KIRREL1: variants seen among roughly 807,000 people sequenced by gnomAD.
KIRREL1 encodes kin of IRRE-like protein 1.
KIRREL1 carries 25 observed loss-of-function variants against 83.3 expected under a neutral mutation model. The ratio of observed to expected loss-of-function variants is 0.30; its 90% CI spans 0.22 to 0.42. KIRREL1 has a LOEUF of 0.42. Ranked by LOEUF, KIRREL1 falls within the 10% of genes least tolerant of loss-of-function variation. The pLI is 1.00. For synonymous variants in KIRREL1, 388 were observed against 410.4 expected (o/e 0.95, Z 0.66); for missense variants, 812 against 1,032.3 (o/e 0.79, Z 2.92).
chr1:158,059,641 A>G (rs538986590), intron 1 of KIRREL1, among the ~76,000 whole-genome samples: 3 of 151,924 alleles, frequency 2.0e-5, no homozygotes, highest in Non-Finnish European at 4.4e-5. Context: ...GGTAGGGAAT[A>G]CTCACCTGGG....
At chr1:158,007,122 G>A (rs1241675539) in intron 1 of KIRREL1, among the ~76,000 whole-genome samples, 1 of 152,184 alleles carries the variant, frequency 6.6e-6, no homozygotes, top group Non-Finnish European at 1.5e-5. Context: ...CTTGAGGCAG[G>A]AGACTTGGTT....
chr1:158,079,522 T>C (rs1377176811), intron 3 of KIRREL1, among the ~76,000 whole-genome samples: 2 of 152,252 alleles, frequency 1.3e-5, no homozygotes, highest in Non-Finnish European at 2.9e-5. Flanking sequence ...TGTTTCACCA[T>C]GTTGGCCAGG....
chr1:158,092,345 CTTTTTTTTTTT>C (rs11430850), intron 11 of KIRREL1, among the ~76,000 whole-genome samples: 1 of 110,936 alleles, frequency 9.0e-6, no homozygotes, highest in Non-Finnish European at 1.7e-5. Context: ...TCACTTCAGT[CTTTTTTTTTTT>C]TTTTTTTTTG....
intron 1 of KIRREL1, among the ~76,000 whole-genome samples, chr1:158,003,536 C>G (rs567675144): frequency 3.9e-5 from 6 of 152,220 alleles, no homozygotes; most frequent in African/African-American, 1.4e-4. Flanking sequence ...TGGGGGACTC[C>G]CAGAGGTCCC....
chr1:158,075,379 G>A (rs1382346039), intron 1 of KIRREL1, among the ~76,000 whole-genome samples: 1 of 152,246 alleles, frequency 6.6e-6, no homozygotes, highest in African/African-American at 2.4e-5. Flanking sequence ...AGGAGGCGGG[G>A]TGTGTGCAGG....
At chr1:158,006,816 A>G (rs1029050997) in intron 1 of KIRREL1, among the ~76,000 whole-genome samples, 2 of 152,230 alleles carry the variant, frequency 1.3e-5, no homozygotes, top group South Asian at 2.1e-4. Flanking sequence ...CTGCTGCTGA[A>G]GCCAGCATGT....
intron 1 of KIRREL1, among the ~76,000 whole-genome samples, chr1:157,996,457 G>C (rs930087920): frequency 1.3e-5 from 2 of 152,084 alleles, no homozygotes; most frequent in African/African-American, 2.4e-5. Context: ...TGCCTCCGTG[G>C]GGGGGATGGA....
At chr1:158,054,102 A>G (rs1293564668) in intron 1 of KIRREL1, among the ~76,000 whole-genome samples, 1 of 149,416 alleles carries the variant, frequency 6.7e-6, no homozygotes, top group African/African-American at 2.5e-5. Flanking sequence ...AATCCTAGCT[A>G]CTCAGGAGGC....
intron 1 of KIRREL1, among the ~76,000 whole-genome samples, chr1:158,074,007 A>C (rs1220168559): frequency 1.3e-5 from 2 of 152,184 alleles, no homozygotes; most frequent in African/African-American, 2.4e-5. Flanking sequence ...GAGAAACGTG[A>C]GTGTGGAGAG....
At chr1:158,087,412 C>T (rs1037776685) in intron 5 of KIRREL1, among the ~76,000 whole-genome samples, 1 of 151,982 alleles carries the variant, frequency 6.6e-6, no homozygotes, top group African/African-American at 2.4e-5. Context: ...TTGTCTCTCC[C>T]CAGGGAACCA....
chr1:158,030,165 G>C (rs1217270924), intron 1 of KIRREL1, among the ~76,000 whole-genome samples: 1 of 152,170 alleles, frequency 6.6e-6, no homozygotes, highest in African/African-American at 2.4e-5. Flanking sequence ...ACATCTTCCT[G>C]TTAGTACCCC....
At chr1:158,058,152 G>A (rs1342615271) in intron 1 of KIRREL1, among the ~76,000 whole-genome samples, 1 of 152,168 alleles carries the variant, frequency 6.6e-6, no homozygotes, top group Non-Finnish European at 1.5e-5. Context: ...GAAGCTCCCA[G>A]AGGGCCAGGC....
In KIRREL1 at chr1:158,097,431, A is replaced by G. The variant is rs896441474; in HGVS notation, c.*2311A>G. 1.3e-4 allele frequency: 34 copies of G among 258,062 alleles called. No homozygotes were observed. The highest frequency in any genetic ancestry group is 6.4e-4 in the African/African-American group (28 of 43,538). The allele number at this position is 258,062 out of a possible 1,614,324, so 16.0% of individuals were successfully genotyped here. A position where few individuals can be genotyped will look rare whatever the true frequency, so the allele number is the denominator to read the frequency against. Reference sequence around the variant, plus strand: ...TACTGAAATGATGGAGAGAGGGCCTAAGGTTACTAGGTAATTGAGCTGATG... The same window carrying G: ...TACTGAAATGATGGAGAGAGGGCCTGAGGTTACTAGGTAATTGAGCTGATG... On this transcript the variant is annotated 3_prime_UTR_variant, in exon 15 of 15. Coordinates refer to ENST00000359209, the MANE Select transcript of KIRREL1 (RefSeq NM_018240.7).
intron 1 of KIRREL1, among the ~76,000 whole-genome samples, chr1:158,024,667 A>C (rs11806083): frequency 1.3e-5 from 2 of 152,162 alleles, no homozygotes; most frequent in Non-Finnish European, 2.9e-5. Flanking sequence ...CCTTGGATCC[A>C]ACTGTAGAAT....
intron 1 of KIRREL1, among the ~76,000 whole-genome samples, chr1:157,999,316 C>A (rs1049075574): frequency 6.6e-6 from 1 of 152,178 alleles, no homozygotes; most frequent in African/African-American, 2.4e-5. Flanking sequence ...AGCCTCAATC[C>A]TTTTCCTCCC....
chr1:158,091,728 G>A (rs1213644222), intron 11 of KIRREL1, among the ~76,000 whole-genome samples, 172 bp downstream of exon 11: 1 of 152,210 alleles, frequency 6.6e-6, no homozygotes, highest in Admixed American at 6.5e-5. Context: ...GGGGTTTGGG[G>A]CTACTCCCCT....
chr1:158,001,372 A>T (rs1659355752), intron 1 of KIRREL1, among the ~76,000 whole-genome samples: 1 of 152,250 alleles, frequency 6.6e-6, no homozygotes, highest in Non-Finnish European at 1.5e-5. Context: ...AATCAGGAGA[A>T]TTATTTTTTT....
At chr1:158,073,540 C>T (rs994259524) in intron 1 of KIRREL1, among the ~76,000 whole-genome samples, 4 of 152,198 alleles carry the variant, frequency 2.6e-5, no homozygotes, top group Non-Finnish European at 5.9e-5. Flanking sequence ...GAAAATGAAG[C>T]TTAGCAAATA....
At chr1:158,010,706 G>T (rs1659664399) in intron 1 of KIRREL1, among the ~76,000 whole-genome samples, 1 of 152,022 alleles carries the variant, frequency 6.6e-6, no homozygotes, top group Admixed American at 6.6e-5. Context: ...AAGATCAAGG[G>T]CCCTCCACCC....
Sources: allele counts gnomAD v4.1 joint callset (sites outside exome capture counted in the v4.1 genomes callset), GRCh38; gene constraint gnomAD v4.1.1; transcripts MANE v1.5; gene names NCBI Gene and HGNC (gene_info 2026-07-23, HGNC 2026-07-21).